The following IMMP2L variants were observed in gnomAD, a reference collection of about 807,000 sequenced individuals.
IMMP2L encodes inner mitochondrial membrane peptidase subunit 2.
IMMP2L carries 18 observed loss-of-function variants against 19.3 expected under a neutral mutation model. The ratio of observed to expected loss-of-function variants is 0.93; its 90% confidence interval spans 0.64 to 1.38. The LOEUF is 1.38. Among genes scored for constraint, IMMP2L ranks in the 40% most tolerant of loss-of-function variants. The pLI is 0.00. For synonymous variants in IMMP2L, 76 were observed against 73.0 expected (o/e 1.04, Z -0.21); for missense variants, 233 against 218.2 (o/e 1.07, Z -0.43).
chr7:110,857,775 AGCATCT>A (rs952684353), intron 5 of IMMP2L, among the ~76,000 whole-genome samples: 2 of 152,048 alleles, frequency 1.3e-5, no homozygotes, highest in African/African-American at 4.8e-5. Context: ...CATTATTTGA[AGCATCT>A]GCTTGATTAA....
intron 3 of IMMP2L, among the ~76,000 whole-genome samples, chr7:111,345,259 A>AT (rs1318102018): frequency 1.3e-5 from 2 of 152,100 alleles, no homozygotes; most frequent in Non-Finnish European, 2.9e-5. Flanking sequence ...AAGTAGACAG[A>AT]TTTTTACATC....
At chr7:111,072,835 G>A (rs532028975) in intron 3 of IMMP2L, among the ~76,000 whole-genome samples, 14 of 151,528 alleles carry the variant, frequency 9.2e-5, no homozygotes, top group South Asian at 2.1e-4. Context: ...GCGGAGCAGC[G>A]GAGCTTGCAG....
chr7:111,103,024 C>G (rs1193475875), intron 3 of IMMP2L, among the ~76,000 whole-genome samples: 1 of 151,496 alleles, frequency 6.6e-6, no homozygotes, highest in African/African-American at 2.4e-5. Flanking sequence ...TTTTTTAAGA[C>G]TACAGTGTCC....
rs1401905142 is a variant in IMMP2L at position 110,728,795 on chromosome 7, G to A, written c.409-65074C>T. Among the ~76,000 whole-genome samples the A allele has an allele frequency of 1.3e-5, 2 of 152,170 alleles. No individual in the cohort carries two copies. Among genetic ancestry groups the A allele is most frequent in the African/African-American group, 4.8e-5 (2 of 41,440 alleles). On this transcript the variant is annotated intron_variant, in intron 5 of 5. Coordinates refer to ENST00000405709, the MANE Select transcript of IMMP2L (RefSeq NM_032549.4). The surrounding 1 kb of genome is among the most constrained non-coding windows in gnomAD (Gnocchi z 4.6). ...TGTTTCTCACCATATTCGTGAGGTG[G>A]CTACAATCATTACCCCCATTAAATG...
chr7:111,123,209 A>G lies in IMMP2L; in HGVS notation c.240-159644T>C. Reference sequence around the variant, plus strand: ...GAACTGAGCAACTTACAAGAACTCTATATTAATCACAACTTGCTTTCTACA... The same window carrying G: ...GAACTGAGCAACTTACAAGAACTCTGTATTAATCACAACTTGCTTTCTACA... On this transcript the variant is annotated intron_variant, in intron 3 of 5. Coordinates refer to ENST00000405709, the MANE Select transcript of IMMP2L (RefSeq NM_032549.4). The surrounding 1 kb of genome is among the most constrained non-coding windows in gnomAD (Gnocchi z 6.4). 1.2e-6 allele frequency: 2 copies of G among 1,613,962 alleles called. No individual in the cohort carries two copies. Among genetic ancestry groups the G allele is most frequent in the Non-Finnish European group, 8.5e-7 (1 of 1,179,970 alleles).
rs200531801 is a variant in IMMP2L, at chr7:111,545,047, T to TCA, written c.-3+16802_-3+16803dup. On this transcript the variant is annotated intron_variant, in intron 1 of 5. Coordinates refer to ENST00000405709, the MANE Select transcript of IMMP2L (RefSeq NM_032549.4). The stretch of plus-strand genomic sequence containing the variant: ...AAATATCTGCATCCAGAAGTCAGAC[T>TCA]CACACACACACATACTCTCAGAGCA... Among the ~76,000 whole-genome samples, 3 of 151,782 alleles carry TCA rather than the reference T, an allele frequency of 2.0e-5. No homozygotes were observed. The South Asian group carries it at 6.2e-4, about 32-fold the overall frequency.
At chr7:110,915,197 A>G (rs1442812931) in intron 4 of IMMP2L, among the ~76,000 whole-genome samples, 1 of 151,280 alleles carries the variant, frequency 6.6e-6, no homozygotes, top group Non-Finnish European at 1.5e-5. Context: ...TTAAGTGTCC[A>G]TCTATAGATT....
chr7:111,256,561 T>C (rs866626786), intron 3 of IMMP2L, among the ~76,000 whole-genome samples: 6 of 152,076 alleles, frequency 3.9e-5, no homozygotes, highest in Non-Finnish European at 7.4e-5. Context: ...AGCAGTTTCA[T>C]TGTTAAAAGA....
At chr7:111,222,745 A>C (rs1812654291) in intron 3 of IMMP2L, among the ~76,000 whole-genome samples, 1 of 152,098 alleles carries the variant, frequency 6.6e-6, no homozygotes, top group Non-Finnish European at 1.5e-5. Context: ...TAAAATAGCA[A>C]AACTACTTTT....
At chr7:110,821,018 C>A (rs781554319) in intron 5 of IMMP2L, among the ~76,000 whole-genome samples, 5 of 151,984 alleles carry the variant, frequency 3.3e-5, no homozygotes, top group Admixed American at 3.3e-4. Flanking sequence ...TACACTGAGA[C>A]CTAAATTATG....
chr7:111,492,529 A>G (rs573942456), intron 2 of IMMP2L: 5 of 247,506 alleles, frequency 2.0e-5, no homozygotes, highest in African/African-American at 1.2e-4. Flanking sequence ...AAAAAGAATA[A>G]AAAACATGCT....
At chr7:111,117,896 T>C (rs1800084717) in intron 3 of IMMP2L, among the ~76,000 whole-genome samples, 1 of 152,066 alleles carries the variant, frequency 6.6e-6, no homozygotes, top group African/African-American at 2.4e-5. Flanking sequence ...ATAATACACA[T>C]AATAAAGTGC....
At chr7:110,873,320 C>T (rs1349275053) in intron 5 of IMMP2L, among the ~76,000 whole-genome samples, 1 of 149,026 alleles carries the variant, frequency 6.7e-6, no homozygotes, top group African/African-American at 2.5e-5. Context: ...GTTCCAGCTA[C>T]TCAGGAGTCT....
intron 3 of IMMP2L, among the ~76,000 whole-genome samples, chr7:111,295,565 T>C (rs1821539364): frequency 6.6e-6 from 1 of 151,732 alleles, no homozygotes. Context: ...ACATGAAATA[T>C]GAATTGGGAA....
chr7:111,370,777 A>C (rs1370557390), intron 3 of IMMP2L, among the ~76,000 whole-genome samples: 1 of 151,888 alleles, frequency 6.6e-6, no homozygotes, highest in Non-Finnish European at 1.5e-5. Flanking sequence ...TTTCTCATTT[A>C]AATTATTCCA....
At chr7:110,940,829 T>C (rs1454812384) in intron 4 of IMMP2L, among the ~76,000 whole-genome samples, 2 of 137,894 alleles carry the variant, frequency 1.5e-5, no homozygotes, top group Non-Finnish European at 3.1e-5. Context: ...GATTCTGTTT[T>C]ATTTACTAGT....
intron 5 of IMMP2L, among the ~76,000 whole-genome samples, chr7:110,834,642 T>C (rs555237895): frequency 1.2e-4 from 18 of 152,252 alleles, no homozygotes; most frequent in African/African-American, 4.3e-4. Flanking sequence ...TAGTTTAGTA[T>C]TTGCTGTACA....
chr7:110,806,142 C>A (rs1801615822), intron 5 of IMMP2L, among the ~76,000 whole-genome samples: 2 of 151,894 alleles, frequency 1.3e-5, no homozygotes, highest in Admixed American at 1.3e-4. Flanking sequence ...ATAGCTAAAT[C>A]CATGAAATTA....
At chr7:110,982,627 G>A (rs2129558284) in intron 3 of IMMP2L, among the ~76,000 whole-genome samples, 1 of 152,168 alleles carries the variant, frequency 6.6e-6, no homozygotes. Context: ...TATCTAAAAA[G>A]ACTCCACTGT....
Sources: gnomAD v4.1 joint callset for allele counts (sites outside exome capture counted in the v4.1 genomes callset) on GRCh38, gnomAD v4.1.1 for gene constraint, Gnocchi (gnomAD v3.1) non-coding constraint, MANE v1.5 for transcripts, NCBI Gene and HGNC (gene_info 2026-07-23, HGNC 2026-07-21) for gene names.